MGAT5B: variants seen among roughly 807,000 people sequenced by gnomAD.
MGAT5B encodes alpha-1,6-mannosylglycoprotein 6-beta-N-acetylglucosaminyltransferase B.
In MGAT5B, 54 loss-of-function variants were observed where a neutral mutation model predicts 95.1. That is an observed-to-expected ratio of 0.57 (90% confidence interval 0.46 to 0.71). The LOEUF (loss-of-function observed/expected upper bound fraction) is 0.71. MGAT5B is among the 30% of genes least tolerant of loss of function. MGAT5B has a pLI of 0.00. For missense variants in MGAT5B, 935 were observed against 1,088.6 expected (o/e 0.86, Z 1.99); for synonymous variants, 464 against 451.0 (o/e 1.03, Z -0.36).
intron 8 of MGAT5B, chr17:76,913,670 C>A: frequency 2.0e-6 from 1 of 509,918 alleles, no homozygotes; most frequent in Non-Finnish European, 3.9e-6. Flanking sequence ...CTCTTACAGG[C>A]AAAGGAGACT....
chr17:76,875,942 C>G (rs1284257429), intron 2 of MGAT5B, among the ~76,000 whole-genome samples: 1 of 152,026 alleles, frequency 6.6e-6, no homozygotes, highest in Non-Finnish European at 1.5e-5. Context: ...AGCTGAGTGC[C>G]TGGAATACAG....
Position 76,933,272 on chromosome 17 carries a change from T to TC in MGAT5B, c.1423-15dup. 6.3e-7 allele frequency: 1 copy of TC among 1,598,086 alleles called. No homozygotes were observed. The highest frequency in any genetic ancestry group is 8.5e-7 in the Non-Finnish European group (1 of 1,179,656). On this transcript the variant is annotated intron_variant, in intron 11 of 17. Transcript: ENST00000569840. The stretch of plus-strand genomic sequence containing the variant: ...CTGTCTCTCTCTCTGTTCCTTGTGC[T>TC]CCCCCTGGCCACGAGGCAGCTCCAG...
At chr17:76,897,224 C>T (rs1316403912) in intron 3 of MGAT5B, among the ~76,000 whole-genome samples, 3 of 151,798 alleles carry the variant, frequency 2.0e-5, no homozygotes, top group African/African-American at 4.9e-5. Flanking sequence ...GTCCTGGACT[C>T]TCTTTTGCGG....
intron 3 of MGAT5B, among the ~76,000 whole-genome samples, chr17:76,901,402 TAAA>T (rs57832999): frequency 7.0e-6 from 1 of 143,640 alleles, no homozygotes; most frequent in Non-Finnish European, 1.5e-5. Flanking sequence ...ATTAATGTGT[TAAA>T]AAAAAAAAAA....
At chr17:76,883,220 G>C (rs1967500912) in intron 3 of MGAT5B, among the ~76,000 whole-genome samples, 1 of 151,782 alleles carries the variant, frequency 6.6e-6, no homozygotes, top group Non-Finnish European at 1.5e-5. Context: ...GGCTGGTCTC[G>C]AACTCCTGAC....
intron 10 of MGAT5B, 89 bp from the exon 11 acceptor site, chr17:76,932,556 A>T: frequency 6.5e-7 from 1 of 1,543,692 alleles, no homozygotes; most frequent in Admixed American, 1.9e-5. Flanking sequence ...CTGCCAAAAG[A>T]GGACCTCTTG....
At position 76,946,358 on chromosome 17, in the gene MGAT5B, T is replaced by A; in HGVS notation, c.1849-18T>A. The A allele has an allele frequency of 6.2e-7, 1 of 1,602,030 alleles. No individual in the cohort carries two copies. Among genetic ancestry groups the A allele is most frequent in the Non-Finnish European group, 8.5e-7 (1 of 1,173,240 alleles). Reference sequence around the variant, plus strand: ...TGGGCCTTCTCCCGCCCCATGTGTCTGCCCATCCCTCCCACAGGTAGACCC... The same window carrying A: ...TGGGCCTTCTCCCGCCCCATGTGTCAGCCCATCCCTCCCACAGGTAGACCC... On this transcript the variant is annotated intron_variant, in intron 15 of 17. Transcript: ENST00000569840.
chr17:76,941,128 A>G (rs1969852733), intron 15 of MGAT5B, among the ~76,000 whole-genome samples: 1 of 152,192 alleles, frequency 6.6e-6, no homozygotes, highest in Non-Finnish European at 1.5e-5. Flanking sequence ...CTGGATCTCA[A>G]ATTGTTTATG....
At chr17:76,913,998 G>A (rs1483824518) in intron 8 of MGAT5B, 6 of 343,928 alleles carry the variant, frequency 1.7e-5, no homozygotes, top group East Asian at 7.4e-5. Flanking sequence ...CTACTCAGGC[G>A]ACTGAGGAAG....
At chr17:76,908,248 T>TC (rs1968604240) in intron 8 of MGAT5B, among the ~76,000 whole-genome samples, 2 of 150,442 alleles carry the variant, frequency 1.3e-5, no homozygotes, top group Non-Finnish European at 1.5e-5. Context: ...TTTCTTTCTT[T>TC]TTTTCCTTTC....
rs781733897 is a variant in MGAT5B at position 76,933,280 on chromosome 17, G to A, written c.1423-12G>A. 6.3e-7 allele frequency: 1 copy of A among 1,598,280 alleles called. No individual in the cohort carries two copies. The highest frequency in any genetic ancestry group is 1.7e-5 in the Admixed American group (1 of 60,010). ...CTCTCTGTTCCTTGTGCTCCCCCTG[G>A]CCACGAGGCAGCTCCAGGTATGGAA... On this transcript the variant is annotated splice_polypyrimidine_tract_variant and intron_variant, in intron 11 of 17. Transcript: ENST00000569840.
Position 76,948,097 on chromosome 17 carries a change from C to T in MGAT5B, c.2180+11C>T, listed in dbSNP as rs1464542977. The T allele has an allele frequency of 3.2e-6, 5 of 1,561,308 alleles. No homozygotes were observed. Among genetic ancestry groups the T allele is most frequent in the African/African-American group, 1.4e-5 (1 of 73,934 alleles). On this transcript the variant is annotated intron_variant, in intron 17 of 17. Transcript: ENST00000569840. The stretch of plus-strand genomic sequence containing the variant: ...GGACGCCTTCCTCAAGTGAGTGTTC[C>T]CCCACCCTCCCCACCCAGCCGCTAT...
chr17:76,946,086 G>T (rs143230685), intron 15 of MGAT5B, among the ~76,000 whole-genome samples: 6 of 151,724 alleles, frequency 4.0e-5, no homozygotes, highest in Non-Finnish European at 7.4e-5. Flanking sequence ...GGGACACAGC[G>T]CTGAGCTTTA....
intron 16 of MGAT5B, among the ~76,000 whole-genome samples, chr17:76,947,102 C>T (rs1002626541): frequency 2.0e-4 from 30 of 152,210 alleles, no homozygotes; most frequent in African/African-American, 5.8e-4. Context: ...CCAGATGGAG[C>T]GTGGCTCTGC....
Position 76,870,766 on chromosome 17 carries a change from A to T in MGAT5B, c.68+1669A>T, listed in dbSNP as rs1966982944. On this transcript the variant is annotated intron_variant, in intron 1 of 17. Coordinates refer to ENST00000569840, the MANE Select transcript of MGAT5B (RefSeq NM_001199172.2). This position sits in a 1 kb window ranked among gnomAD's most constrained non-coding sequence, Gnocchi z 5.0. ...TTGAGGTGGGGGGCAGGCTGCAATC[A>T]TAGCACCCCAGCTTATTCATCCTCA... is the stretch of plus-strand genomic sequence containing the variant. Among the ~76,000 whole-genome samples the T allele has an allele frequency of 6.6e-6, 1 of 152,106 alleles. No individual in the cohort carries two copies. The highest frequency in any genetic ancestry group is 3.4e-3 in the Middle Eastern group (1 of 294).
intron 8 of MGAT5B, among the ~76,000 whole-genome samples, chr17:76,923,532 A>G (rs1433114627): frequency 6.6e-6 from 1 of 151,874 alleles, no homozygotes; most frequent in Non-Finnish European, 1.5e-5. Context: ...AGCTGTTGAG[A>G]GAGGAAGATG....
intron 3 of MGAT5B, among the ~76,000 whole-genome samples, chr17:76,897,861 G>T (rs1201342479): frequency 6.6e-6 from 1 of 150,802 alleles, no homozygotes; most frequent in Non-Finnish European, 1.5e-5. Flanking sequence ...TTTGAGACCA[G>T]CCTGGCCAAC....
At chr17:76,924,867 C>G in intron 8 of MGAT5B, 99 bp from the exon 9 acceptor site, 1 of 1,441,294 alleles carries the variant, frequency 6.9e-7, no homozygotes, top group Admixed American at 1.8e-5. Context: ...GCTAAGCTCT[C>G]TGCACTTGTA....
At chr17:76,946,593 C>CTGAGGGAACTCTGGGA in intron 16 of MGAT5B, 143 bp downstream of exon 16, 1 of 706,362 alleles carries the variant, frequency 1.4e-6, no homozygotes, top group Non-Finnish European at 2.1e-6. Context: ...AGTCTCTTCC[C>CTGAGGGAACTCTGGGA]AGAGTTCCCT....
Sources: gnomAD v4.1 joint callset for allele counts (sites outside exome capture counted in the v4.1 genomes callset) on GRCh38, gnomAD v4.1.1 for gene constraint, Gnocchi (gnomAD v3.1) non-coding constraint, MANE v1.5 for transcripts, NCBI Gene and HGNC (gene_info 2026-07-23, HGNC 2026-07-21) for gene names.